The following MPP7 variants were observed in gnomAD, a reference collection of about 807,000 sequenced individuals.
MPP7 encodes the protein MAGUK p55 subfamily member 7.
A neutral mutation model predicts 76.5 loss-of-function variants in MPP7; 60 were observed. The ratio of observed to expected loss-of-function variants is 0.78; its 90% CI spans 0.64 to 0.97. The LOEUF (loss-of-function observed/expected upper bound fraction) is 0.97. Ranked by LOEUF, MPP7 falls within the 50% of genes least tolerant of loss-of-function variation. The pLI is 0.00. For synonymous variants in MPP7, 237 were observed against 244.5 expected, an observed-to-expected ratio of 0.97 and a Z score of 0.29; for missense variants, 641 against 694.0, an observed-to-expected ratio of 0.92 and a Z score of 0.86.
chr10:28,136,487 G>C lies in MPP7; in HGVS notation c.316-4796C>G, dbSNP rs540801019. 9.9e-5 allele frequency among the ~76,000 whole-genome samples: 15 copies of C among 151,940 alleles called. No individual in the cohort carries two copies. In the East Asian group the frequency reaches 2.9e-3, roughly 29 times the overall value. ...GAAAGCAGAAAATACTGCTCATAAT[G>C]AAGAAAAAAATGAAACAATGAAACC... is the stretch of plus-strand genomic sequence containing the variant. On this transcript the variant is annotated intron_variant, in intron 5 of 16. Transcript: ENST00000683449.
chr10:28,143,855 CTGTGTGTGTGTGTGTGTGTGTGTG>C lies in MPP7; in HGVS notation c.315+3604_315+3627del, dbSNP rs60960005. Among the ~76,000 whole-genome samples, 578 of 134,552 alleles carry C rather than the reference CTGTGTGTGTGTGTGTGTGTGTGTG, an allele frequency of 4.3e-3. 3 individuals carry two copies. Among genetic ancestry groups the C allele is most frequent in the African/African-American group, 0.015 (548 of 36,418 alleles). 88.3% of individuals were successfully genotyped at this position (134,552 alleles called of 152,430 possible). ...CTTTCATTAGGACCTCAATCGTGTG[CTGTGTGTGTGTGTGTGTGTGTGTG>C]TGTGTGTGTGTGTGTGTGTGTGTGA... On this transcript the variant is annotated intron_variant, in intron 5 of 16. Coordinates refer to ENST00000683449, the MANE Select transcript of MPP7 (RefSeq NM_001318170.2).
At chr10:28,324,535 G>A (rs933442882) in intron 2 of MPP7, among the ~76,000 whole-genome samples, 32 of 152,122 alleles carry the variant, frequency 2.1e-4, no homozygotes, top group African/African-American at 7.0e-4. Context: ...ATTTAGTGGA[G>A]CATCTCCACC....
intron 11 of MPP7, among the ~76,000 whole-genome samples, chr10:28,115,426 C>T (rs1834636894): frequency 6.6e-6 from 1 of 151,946 alleles, no homozygotes; most frequent in Admixed American, 6.6e-5. Flanking sequence ...TTTTAAAACC[C>T]CACGTGTTTC....
rs1451518134 is a variant in MPP7, at chr10:28,089,706, T to C, written c.1088A>G (p.Gln363Arg). ...TYEEVTPYRR[Q>R]TNEKYRLVVL... is the part of the protein sequence containing the mutation. ...AACGAGTCTGTATTTTTCATTAGTT[T>C]GTCGCCGATACGGTGTCACTTCTTC... The change falls in exon 12 of 17, where the codon CAA (glutamine) becomes CGA (arginine). Residue 363 changes from glutamine to arginine, a missense_variant. By Grantham distance (43) the Gln-to-Arg change is conservative. Transcript: ENST00000683449. The C allele has an allele frequency of 1.9e-6, 3 of 1,613,702 alleles. No individual in the cohort carries two copies. Among genetic ancestry groups the C allele is most frequent in the Non-Finnish European group, 2.5e-6 (3 of 1,179,846 alleles).
At chr10:28,082,485 G>C (rs1395473197) in intron 12 of MPP7, among the ~76,000 whole-genome samples, 1 of 147,344 alleles carries the variant, frequency 6.8e-6, no homozygotes, top group Admixed American at 6.9e-5. Flanking sequence ...TCTTCTTTTA[G>C]ACTCTGTTGC....
chr10:28,224,876 A>C (rs1838637062), intron 2 of MPP7, among the ~76,000 whole-genome samples: 1 of 152,116 alleles, frequency 6.6e-6, no homozygotes, highest in African/African-American at 2.4e-5. Context: ...TAAAAATAAA[A>C]ATTTTTTAAT....
At position 28,053,993 on chromosome 10, in the gene MPP7, C is replaced by G. The variant is rs1851450226; in HGVS notation, c.*72G>C. 8.6e-7 allele frequency: 1 copy of G among 1,161,208 alleles called. No individual in the cohort carries two copies. The highest frequency in any genetic ancestry group is 2.1e-5 in the Admixed American group (1 of 48,122). The allele number at this position is 1,161,208 out of a possible 1,614,324, so 71.9% of individuals were successfully genotyped here. A position where few individuals can be genotyped will look rare whatever the true frequency, so the allele number is the denominator to read the frequency against. ...ATGACAGTGATATAGATTTAAAAACCCTACTACCAAAACTGTAATTGATTT... is the reference window on the plus strand; with the variant it reads ...ATGACAGTGATATAGATTTAAAAACGCTACTACCAAAACTGTAATTGATTT... On this transcript the variant is annotated 3_prime_UTR_variant, in exon 17 of 17. Transcript: ENST00000683449.
chr10:28,205,549 T>C (rs1306508952), intron 2 of MPP7, among the ~76,000 whole-genome samples: 1 of 152,106 alleles, frequency 6.6e-6, no homozygotes, highest in Non-Finnish European at 1.5e-5. Context: ...TTGATTCCAG[T>C]AAACAGTTAT....
chr10:28,301,730 C>T (rs1285166452), intron 1 of MPP7, among the ~76,000 whole-genome samples: 1 of 152,110 alleles, frequency 6.6e-6, no homozygotes, highest in African/African-American at 2.4e-5. Context: ...GGATGGCATA[C>T]TATATAATTG....
chr10:28,273,724 G>A (rs1366218791), intron 1 of MPP7, among the ~76,000 whole-genome samples: 3 of 152,188 alleles, frequency 2.0e-5, no homozygotes, highest in Admixed American at 6.5e-5. Context: ...TTTGCAGAAC[G>A]CAATTATTCT....
At chr10:28,110,572 A>G (rs12571776) in intron 11 of MPP7, among the ~76,000 whole-genome samples, 12,421 of 152,258 alleles carry the variant, frequency 0.082, 665 homozygotes, top group East Asian at 0.26. Flanking sequence ...TGTTGGGAGT[A>G]ACAGGGGAAT....
chr10:28,080,281 C>G (rs1262092843), intron 12 of MPP7, among the ~76,000 whole-genome samples: 1 of 152,100 alleles, frequency 6.6e-6, no homozygotes, highest in East Asian at 1.9e-4. Flanking sequence ...AAAACTATGA[C>G]AAGAGTGCAA....
intron 1 of MPP7, among the ~76,000 whole-genome samples, chr10:28,297,517 A>G (rs766114386): frequency 6.6e-6 from 1 of 152,144 alleles, no homozygotes; most frequent in African/African-American, 2.4e-5. Context: ...TGGTCAACAG[A>G]GTGAAACCCC....
intron 3 of MPP7, among the ~76,000 whole-genome samples, chr10:28,192,265 T>C (rs550812484): frequency 2.0e-5 from 3 of 152,276 alleles, no homozygotes; most frequent in African/African-American, 7.2e-5. Context: ...TATTCAACAC[T>C]ATATGAGAAT....
rs565259873 is a variant in MPP7 at position 28,133,630 on chromosome 10, T to C, written c.316-1939A>G. Among the ~76,000 whole-genome samples, 8 of 152,272 alleles carry C rather than the reference T, an allele frequency of 5.3e-5. No homozygotes were observed. In the South Asian group the frequency reaches 1.7e-3, roughly 32 times the overall value. ...TTGACTATAACATATATACAAAAAG[T>C]ACAAATCATAAGTGTATAGTATAAA... On this transcript the variant is annotated intron_variant, in intron 5 of 16. Transcript: ENST00000683449.
chr10:28,061,169 C>A (rs1222174060), intron 13 of MPP7, among the ~76,000 whole-genome samples: 1 of 150,480 alleles, frequency 6.6e-6, no homozygotes. Flanking sequence ...CAAAAAAAAA[C>A]AAAACAAAAC....
chr10:28,319,443 G>T (rs1448060952), intron 2 of MPP7, among the ~76,000 whole-genome samples: 1 of 151,454 alleles, frequency 6.6e-6, no homozygotes, highest in Non-Finnish European at 1.5e-5. Flanking sequence ...TTGGGAGGCT[G>T]AGGCAGGTGG....
chr10:28,097,609 GA>G (rs1020606498), intron 11 of MPP7, among the ~76,000 whole-genome samples: 4 of 151,384 alleles, frequency 2.6e-5, no homozygotes, highest in South Asian at 2.1e-4. Context: ...ATGCATAATA[GA>G]AAAAAAATGA....
At chr10:28,254,804 C>T (rs923146441) in intron 1 of MPP7, 4 of 152,120 alleles carry the variant, frequency 2.6e-5, no homozygotes, top group Admixed American at 1.3e-4. Flanking sequence ...TAAATCAAGT[C>T]GGCCTGCCCA....
Sources: gnomAD v4.1 joint callset for allele counts (sites outside exome capture counted in the v4.1 genomes callset) on GRCh38, gnomAD v4.1.1 for gene constraint, MANE v1.5 for transcripts, NCBI Gene and HGNC (gene_info 2026-07-23, HGNC 2026-07-21) for gene names.